ZFHX2: variants seen among roughly 807,000 people sequenced by gnomAD.
The protein encoded by ZFHX2 is zinc finger homeobox protein 2.
In ZFHX2, 75 loss-of-function variants were observed where a neutral mutation model predicts 164.8. That is an observed-to-expected ratio of 0.46 (90% CI 0.38 to 0.55). The LOEUF is 0.55. Ranked by LOEUF, ZFHX2 falls within the 20% of genes least tolerant of loss-of-function variation. The pLI is 0.00. For missense variants in ZFHX2, 2,933 were observed against 3,308.0 expected (o/e 0.89, Z 2.78); for synonymous variants, 1,217 against 1,351.4 (o/e 0.90, Z 2.18).
At chr14:23,529,496 C>T (rs565541932) in intron 6 of ZFHX2, 1 of 562,726 alleles carries the variant, frequency 1.8e-6, no homozygotes, top group East Asian at 3.0e-5. Context: ...TGTCTCCCTC[C>T]TATCATCTCC....
In ZFHX2 at chr14:23,534,038, C is replaced by T. The variant is rs775408162; in HGVS notation, c.1288G>A (p.Ala430Thr). 114 of 1,535,398 alleles carry T rather than the reference C, an allele frequency of 7.4e-5. No individual in the cohort carries two copies. In the South Asian group the frequency reaches 9.5e-4, roughly 13 times the overall value. Residue 430 changes from alanine to threonine, a missense_variant, in exon 2 of 10, where the codon GCA becomes ACA. Ala to Thr is a moderately conservative substitution (Grantham distance 58, BLOSUM62 0). Transcript: ENST00000419474. This position sits in a 1 kb window ranked among gnomAD's most constrained non-coding sequence, Gnocchi z 4.5. Reference sequence around the variant, plus strand: ...GACAGGCTGAGGCCCTGGAAGGCTGCAGGGGCTGGGGTGTAGTCATCAGCT... The same window carrying T: ...GACAGGCTGAGGCCCTGGAAGGCTGTAGGGGCTGGGGTGTAGTCATCAGCT... ...RLADDYTPAP[A>T]AFQGLSLSSH...
rs1304523442 is a variant in ZFHX2 at position 23,522,765 on chromosome 14, C to T, written c.6916G>A (p.Gly2306Arg). 1 of 1,536,434 alleles carries T rather than the reference C, an allele frequency of 6.5e-7. No homozygotes were observed. The highest frequency in any genetic ancestry group is 1.2e-5 in the South Asian group (1 of 84,062). ...PVPGPPTEPL[G>R]DKVSSERKPV... Reference sequence around the variant, plus strand: ...TTTCGCTCACTGGAGACCTTGTCCCCCAAGGGCTCAGTAGGAGGGCCTGGG... The same window carrying T: ...TTTCGCTCACTGGAGACCTTGTCCCTCAAGGGCTCAGTAGGAGGGCCTGGG... The change falls in exon 10 of 10, where the codon GGG (glycine) becomes AGG (arginine). Residue 2306 changes from glycine (G) to arginine (R), a missense_variant. Transcript: ENST00000419474.
chr14:23,525,448 G>C lies in ZFHX2; in HGVS notation c.4494C>G (p.His1498Gln). 1 of 1,536,102 alleles carries C rather than the reference G, an allele frequency of 6.5e-7. No homozygotes were observed. Among genetic ancestry groups the C allele is most frequent in the Non-Finnish European group, 8.7e-7 (1 of 1,146,910 alleles). The change falls in exon 9 of 10, where the codon CAC (histidine) becomes CAG (glutamine). Residue 1498 changes from histidine (H) to glutamine (Q), a missense_variant. Coordinates refer to ENST00000419474, the MANE Select transcript of ZFHX2 (RefSeq NM_033400.3). The surrounding 1 kb of genome is among the most constrained non-coding windows in gnomAD (Gnocchi z 5.9). ...GAAAGCGGCGGTGGACATGTTCCTC[G>C]TGTGTCTTGAGGATAAGCATATTGG... is the stretch of plus-strand genomic sequence containing the variant. ...LFSNMLILKT[H>Q]EEHVHRRFLP...
At position 23,525,851 on chromosome 14, in the gene ZFHX2, A is replaced by G. The variant is rs1878630834; in HGVS notation, c.4091T>C (p.Leu1364Pro). The change falls in exon 9 of 10, where the codon CTC becomes CCC. Residue 1364 changes from leucine to proline, a missense_variant. By Grantham distance (98) the Leu-to-Pro change is moderately conservative (BLOSUM62 -3). Coordinates refer to ENST00000419474, the MANE Select transcript of ZFHX2 (RefSeq NM_033400.3). This position sits in a 1 kb window ranked among gnomAD's most constrained non-coding sequence, Gnocchi z 5.9. ...SLLKLQQQQL[L>P]LPFYLHDLKV... ...GAGATCGTGGAGGTAGAAGGGCAGG[A>G]GCAGCTGCTGCTGCTGGAGCTTAAG... 1.4e-6 allele frequency: 2 copies of G among 1,455,248 alleles called. No homozygotes were observed. The highest frequency in any genetic ancestry group is 9.0e-7 in the Non-Finnish European group (1 of 1,109,666). The allele number at this position is 1,455,248 out of a possible 1,614,324, so 90.1% of individuals were successfully genotyped here. A position where few individuals can be genotyped will look rare whatever the true frequency, so the allele number is the denominator to read the frequency against.
chr14:23,521,973 G>A lies in ZFHX2; in HGVS notation c.7708C>T (p.Leu2570=), dbSNP rs769330600. ...NPKTTTTSTL[L]AL is the part of the protein sequence containing the mutation. ...CTTGGTTAATCTGTTTATAAAGCTA[G>A]AAGTGTAGAGGTAGTCGTAGTTTTT... The change falls in exon 10 of 10, where the codon CTA becomes TTA. Residue 2570 remains leucine (L), a synonymous_variant. Coordinates refer to ENST00000419474, the MANE Select transcript of ZFHX2 (RefSeq NM_033400.3). 8.5e-6 allele frequency: 13 copies of A among 1,536,316 alleles called. No individual in the cohort carries two copies. Among genetic ancestry groups the A allele is most frequent in the Non-Finnish European group, 1.0e-5 (12 of 1,146,912 alleles).
At chr14:23,528,597 TCTGTGAACCATCAC>T (rs1357756530) in intron 6 of ZFHX2, 4 of 985,270 alleles carry the variant, frequency 4.1e-6, no homozygotes, top group Non-Finnish European at 4.8e-6. Flanking sequence ...CCACTCTGCC[TCTGTGAACCATCAC>T]CTGGAAAGGG....
At chr14:23,552,288 A>ATT (rs891218317), upstream of ZFHX2, among the ~76,000 whole-genome samples, 44 of 133,986 alleles carry the variant, frequency 3.3e-4, 1 homozygote, top group African/African-American at 2.8e-4. Flanking sequence ...GTGCTCCTGA[A>ATT]TTTTTTTTTT....
chr14:23,554,252 C>T (rs1356594695), upstream of ZFHX2, among the ~76,000 whole-genome samples: 5 of 151,992 alleles, frequency 3.3e-5, no homozygotes, highest in African/African-American at 9.7e-5. Flanking sequence ...TTAACAAAAC[C>T]GGAAAGCAAA....
At chr14:23,549,340 C>T (rs1881728411) in intron 1 of ZFHX2, among the ~76,000 whole-genome samples, 1 of 152,038 alleles carries the variant, frequency 6.6e-6, no homozygotes, top group South Asian at 2.1e-4. Flanking sequence ...TAATTCTGTT[C>T]ACCTCTGAAA....
chr14:23,541,946 A>G (rs1311421012), intron 1 of ZFHX2, among the ~76,000 whole-genome samples: 1 of 152,184 alleles, frequency 6.6e-6, no homozygotes, highest in Non-Finnish European at 1.5e-5. Flanking sequence ...AGGAGAGCTT[A>G]CTTTGTGCAA....
Position 23,530,108 on chromosome 14 carries a change from G to T in ZFHX2, c.2875+12C>A. 2.0e-6 allele frequency: 3 copies of T among 1,535,716 alleles called. No homozygotes were observed. The highest frequency in any genetic ancestry group is 1.7e-6 in the Non-Finnish European group (2 of 1,146,550). On this transcript the variant is annotated intron_variant, in intron 5 of 9. Transcript: ENST00000419474. ...AGGTAGGAGGACTGGGGGGAAGGGA[G>T]GGAAAACTCACCCAATTGTTCTGTC...
Position 23,537,779 on chromosome 14 carries a change from G to C in ZFHX2, c.-49-2405C>G, listed in dbSNP as rs556604904. ...ATTCCTCCTACAGAATCCATGGTGG[G>C]GGAGAGGGGTAAGGGTGCTGGTTTG... On this transcript the variant is annotated intron_variant, in intron 1 of 9. Transcript: ENST00000419474. Among the ~76,000 whole-genome samples, 193 of 152,292 alleles carry C rather than the reference G, an allele frequency of 1.3e-3. 2 individuals are homozygous for C. The highest frequency in any genetic ancestry group is 2.4e-3 in the Non-Finnish European group (160 of 68,016).
rs912630177 is a variant in ZFHX2, at chr14:23,524,280, C to T, written c.5662G>A (p.Asp1888Asn). 3.9e-6 allele frequency: 6 copies of T among 1,536,192 alleles called. No individual in the cohort carries two copies. The East Asian group carries it at 7.3e-5, about 19-fold the overall frequency. ...AGCCCCACCTCCTCGGAGATGCAGT[C>T]GAGCATCTTGCGTGTTGGGTTGGAA... Reference protein sequence around the residue: ...QDSNPTRKMLDCISEEVGLKK... With the variant: ...QDSNPTRKMLNCISEEVGLKK... Residue 1888 changes from aspartate to asparagine, a missense_variant, in exon 9 of 10, where the codon GAC (aspartate) becomes AAC (asparagine). Coordinates refer to ENST00000419474, the MANE Select transcript of ZFHX2 (RefSeq NM_033400.3). The surrounding 1 kb of genome is among the most constrained non-coding windows in gnomAD (Gnocchi z 5.6).
chr14:23,539,708 A>G (rs1880588857), intron 1 of ZFHX2, among the ~76,000 whole-genome samples: 1 of 152,162 alleles, frequency 6.6e-6, no homozygotes, highest in South Asian at 2.1e-4. Flanking sequence ...CCCATCCCCC[A>G]GCAAGACCAG....
In ZFHX2 at chr14:23,527,644, T is replaced by C; in HGVS notation, c.3095A>G (p.His1032Arg). The change falls in exon 7 of 10, where the codon CAC becomes CGC. Residue 1032 changes from histidine to arginine, a missense_variant. His to Arg is a conservative substitution (Grantham distance 29). Coordinates refer to ENST00000419474, the MANE Select transcript of ZFHX2 (RefSeq NM_033400.3). Reference sequence around the variant, plus strand: ...CTCAACGCACTCGGGCACCACGTTGTGAAGGTGGCTAAGGTGGAAGTGCAG... The same window carrying C: ...CTCAACGCACTCGGGCACCACGTTGCGAAGGTGGCTAAGGTGGAAGTGCAG... ...PALHFHLSHLHNVVPECVEKL... is the reference protein window; with the variant it reads ...PALHFHLSHLRNVVPECVEKL... The C allele has an allele frequency of 6.5e-7, 1 of 1,536,460 alleles. No individual in the cohort carries two copies. The highest frequency in any genetic ancestry group is 8.7e-7 in the Non-Finnish European group (1 of 1,146,946).
chr14:23,548,799 C>A (rs533798639), intron 1 of ZFHX2, among the ~76,000 whole-genome samples: 58 of 152,284 alleles, frequency 3.8e-4, no homozygotes, highest in African/African-American at 1.4e-3. Context: ...TGGGGCTTCG[C>A]CCAGTGGTAT....
At position 23,530,208 on chromosome 14, in the gene ZFHX2, G is replaced by A; in HGVS notation, c.2801-14C>T. The A allele has an allele frequency of 6.6e-7, 1 of 1,522,092 alleles. No individual in the cohort carries two copies. The allele number at this position is 1,522,092 out of a possible 1,614,324, so 94.3% of individuals were successfully genotyped here. On this transcript the variant is annotated splice_polypyrimidine_tract_variant and intron_variant, in intron 4 of 9. Transcript: ENST00000419474. ...CAGGAGCCTTCCCTGTGTAGGATGG[G>A]GGGAGAGTCAGCTTAAAGAGGTGTG...
At chr14:23,531,414 C>G in intron 4 of ZFHX2, 67 bp downstream of exon 4, 9 of 1,338,596 alleles carry the variant, frequency 6.7e-6, no homozygotes, top group Non-Finnish European at 8.6e-6. Context: ...ACTCCGCAGC[C>G]CCCCTGCTCC....
Position 23,530,191 on chromosome 14 carries a change from T to C in ZFHX2, c.2804A>G (p.Lys935Arg), listed in dbSNP as rs961650354. 3.3e-6 allele frequency: 5 copies of C among 1,534,076 alleles called. No homozygotes were observed. The highest frequency in any genetic ancestry group is 3.9e-5 in the Admixed American group (2 of 50,952). Residue 935 changes from lysine (K) to arginine (R), a missense_variant, in exon 5 of 10, where the codon AAG becomes AGG. Lys to Arg is a conservative substitution (Grantham distance 26). Transcript: ENST00000419474. ...FSHGQLRTPG[K>R]APVTPLAEPP... is the part of the protein sequence containing the mutation. Reference sequence around the variant, plus strand: ...CTCAGCTAAGGGGGTGACAGGAGCCTTCCCTGTGTAGGATGGGGGGAGAGT... The same window carrying C: ...CTCAGCTAAGGGGGTGACAGGAGCCCTCCCTGTGTAGGATGGGGGGAGAGT...
Sources: gnomAD v4.1 joint callset for allele counts (sites outside exome capture counted in the v4.1 genomes callset) on GRCh38, gnomAD v4.1.1 for gene constraint, Gnocchi (gnomAD v3.1) non-coding constraint, MANE v1.5 for transcripts, NCBI Gene and HGNC (gene_info 2026-07-23, HGNC 2026-07-21) for gene names.